MSANTD5: variants seen among roughly 807,000 people sequenced by gnomAD.
MSANTD5 encodes the protein uncharacterized protein MSANTD5.
chr5:178,702,843 C>T, the MSANTD5 span, among the ~76,000 whole-genome samples: 47 of 151,904 alleles, frequency 3.1e-4, no homozygotes, highest in Non-Finnish European at 5.7e-4. Context: ...GTGATCTGTC[C>T]GCCTCGGCCT....
At chr5:178,702,024 C>T (rs138170614), upstream of MSANTD5, among the ~76,000 whole-genome samples, 1,356 of 150,250 alleles carry the variant, frequency 9.0e-3, 24 homozygotes, top group African/African-American at 0.031. Context: ...TGAGCCACCG[C>T]GCCCGGCCGA....
upstream of MSANTD5, among the ~76,000 whole-genome samples, chr5:178,702,531 C>T (rs1274796210): frequency 1.3e-5 from 2 of 151,762 alleles, no homozygotes; most frequent in Non-Finnish European, 2.9e-5. Context: ...GACCTCCTGA[C>T]CTCATGATCC....
At chr5:178,701,085 T>C (rs1000798321), upstream of MSANTD5, among the ~76,000 whole-genome samples, 5 of 152,172 alleles carry the variant, frequency 3.3e-5, no homozygotes, top group Non-Finnish European at 7.4e-5. Context: ...GCCATTCTCC[T>C]GCCTCAGCCT....
upstream of MSANTD5, among the ~76,000 whole-genome samples, chr5:178,700,338 A>G (rs1406561760): frequency 6.6e-6 from 1 of 152,064 alleles, no homozygotes; most frequent in Non-Finnish European, 1.5e-5. Context: ...CCCAGTCCTG[A>G]CTCTACAATG....
At chr5:178,703,857 C>G in the MSANTD5 span, among the ~76,000 whole-genome samples, 1 of 150,886 alleles carries the variant, frequency 6.6e-6, no homozygotes, top group African/African-American at 2.4e-5. Flanking sequence ...GGCGCGTGCC[C>G]ATAGTCCCAG....
chr5:178,692,459 T>A (rs1765367339), downstream of MSANTD5, among the ~76,000 whole-genome samples: 1 of 151,600 alleles, frequency 6.6e-6, no homozygotes, highest in Non-Finnish European at 1.5e-5. Context: ...CCAAAGGAAG[T>A]CTTGTGTTTA....
the MSANTD5 span, among the ~76,000 whole-genome samples, chr5:178,703,791 G>T: frequency 1.3e-5 from 2 of 151,888 alleles, no homozygotes; most frequent in African/African-American, 4.8e-5. Context: ...GACCATTCTG[G>T]CCAACATGGT....
the MSANTD5 span, among the ~76,000 whole-genome samples, chr5:178,705,153 A>G: frequency 2.0e-5 from 3 of 152,028 alleles, no homozygotes; most frequent in Non-Finnish European, 2.9e-5. Context: ...AGTTCAAGCA[A>G]TTCTCCTTCC....
intron 1 of MSANTD5, among the ~76,000 whole-genome samples, chr5:178,697,188 C>T (rs1440675676): frequency 1.3e-5 from 2 of 152,196 alleles, no homozygotes; most frequent in Non-Finnish European, 2.9e-5. Flanking sequence ...GATAAGGTGG[C>T]TCACGCCTGT....
chr5:178,693,951 C>A (rs1765383066), downstream of MSANTD5, among the ~76,000 whole-genome samples: 1 of 151,978 alleles, frequency 6.6e-6, no homozygotes, highest in African/African-American at 2.4e-5. Context: ...GTGTTTTTAT[C>A]CAAAAACTAT....
upstream of MSANTD5, among the ~76,000 whole-genome samples, chr5:178,701,004 C>T (rs1279064165): frequency 2.6e-5 from 4 of 152,126 alleles, no homozygotes; most frequent in East Asian, 1.9e-4. Context: ...GACGGAGTCT[C>T]GCTCTGTCGC....
At chr5:178,702,169 C>T (rs930978300), upstream of MSANTD5, among the ~76,000 whole-genome samples, 5 of 151,662 alleles carry the variant, frequency 3.3e-5, no homozygotes, top group Middle Eastern at 3.4e-3. Flanking sequence ...ATTTGCAAAT[C>T]GAAATGGAGT....
At chr5:178,696,726 A>C (rs544665259) in intron 1 of MSANTD5, among the ~76,000 whole-genome samples, 1 of 152,118 alleles carries the variant, frequency 6.6e-6, no homozygotes, top group African/African-American at 2.4e-5. Flanking sequence ...TGTTCTCCTG[A>C]GTTGAGAACT....
downstream of MSANTD5, among the ~76,000 whole-genome samples, chr5:178,692,685 G>A (rs904915396): frequency 6.6e-6 from 1 of 152,020 alleles, no homozygotes; most frequent in African/African-American, 2.4e-5. Context: ...TTCCCAAAAG[G>A]CTACATACCG....
chr5:178,692,790 G>A (rs942746564), downstream of MSANTD5, among the ~76,000 whole-genome samples: 3 of 151,944 alleles, frequency 2.0e-5, no homozygotes, highest in Admixed American at 6.6e-5. Context: ...GGCTGAGGGC[G>A]GGAGGGACGT....
chr5:178,706,420 C>T, the MSANTD5 span, among the ~76,000 whole-genome samples: 11 of 152,086 alleles, frequency 7.2e-5, no homozygotes, highest in South Asian at 2.1e-4. Context: ...TGTTGCACTG[C>T]GGCTCTGCTG....
chr5:178,703,267 T>G, the MSANTD5 span, among the ~76,000 whole-genome samples: 1 of 152,134 alleles, frequency 6.6e-6, no homozygotes. Flanking sequence ...ACGGGCAGGG[T>G]CCCGTGTCAG....
chr5:178,696,048 G>T, intron 2 of MSANTD5, 49 bp downstream of exon 2: 1 of 152,154 alleles, frequency 6.6e-6, no homozygotes. Flanking sequence ...AGATGGAGGT[G>T]GGCTGGAAAA....
At chr5:178,700,996 C>T (rs969530087), upstream of MSANTD5, among the ~76,000 whole-genome samples, 18 of 152,222 alleles carry the variant, frequency 1.2e-4, no homozygotes, top group Middle Eastern at 3.4e-3. Flanking sequence ...GTTTTTGAGA[C>T]GGAGTCTCGC....
Sources: allele counts gnomAD v4.1 joint callset (sites outside exome capture counted in the v4.1 genomes callset), GRCh38; gene constraint gnomAD v4.1.1; transcripts MANE v1.5; gene names NCBI Gene and HGNC (gene_info 2026-07-23, HGNC 2026-07-21).